ARHGAP25: variants seen among roughly 807,000 people sequenced by gnomAD.
ARHGAP25 encodes Rho GTPase activating protein 25.
A neutral mutation model predicts 71.0 loss-of-function variants in ARHGAP25; 34 were observed. The ratio of observed to expected loss-of-function variants is 0.48; its 90% CI spans 0.36 to 0.64. ARHGAP25 has a LOEUF of 0.64. Ranked by LOEUF, ARHGAP25 falls within the 30% of genes least tolerant of loss-of-function variation. The pLI is 0.00. For synonymous variants in ARHGAP25, 282 were observed against 296.5 expected (o/e 0.95, Z 0.50); for missense variants, 706 against 805.1 (o/e 0.88, Z 1.49).
chr2:68,794,975 TTC>T (rs1466492157), intron 4 of ARHGAP25, among the ~76,000 whole-genome samples: 1 of 152,172 alleles, frequency 6.6e-6, no homozygotes, highest in Non-Finnish European at 1.5e-5. Flanking sequence ...TCTTCAGACT[TTC>T]TATTTCTTTC....
At chr2:68,738,701 A>T (rs1366325366) in intron 1 of ARHGAP25, among the ~76,000 whole-genome samples, 2 of 151,928 alleles carry the variant, frequency 1.3e-5, no homozygotes, top group Admixed American at 1.3e-4. Context: ...GGCACCTGTA[A>T]TCCCAGCTAC....
At chr2:68,810,731 CTTTTTTTTTT>C (rs539849992) in intron 5 of ARHGAP25, among the ~76,000 whole-genome samples, 1 of 74,354 alleles carries the variant, frequency 1.3e-5, no homozygotes, top group African/African-American at 6.2e-5. Flanking sequence ...CTTTTCTTCT[CTTTTTTTTTT>C]TTTTTTTTTT....
At chr2:68,719,828 C>G (rs1461952090) in intron 2 of ARHGAP25, among the ~76,000 whole-genome samples, 1 of 152,130 alleles carries the variant, frequency 6.6e-6, no homozygotes, top group East Asian at 1.9e-4. Flanking sequence ...AATGACAGAG[C>G]AGGGGTTGGT....
At chr2:68,789,488 G>A (rs1489134306) in intron 4 of ARHGAP25, among the ~76,000 whole-genome samples, 2 of 152,208 alleles carry the variant, frequency 1.3e-5, no homozygotes, top group Non-Finnish European at 2.9e-5. Flanking sequence ...TTTTATAAGA[G>A]TCTGGGACCA....
intron 4 of ARHGAP25, among the ~76,000 whole-genome samples, chr2:68,802,962 C>T (rs1226248429): frequency 1.5e-5 from 2 of 132,440 alleles, no homozygotes; most frequent in Non-Finnish European, 3.4e-5. Flanking sequence ...TATATATACA[C>T]ACACATATAT....
chr2:68,793,140 G>A (rs957984441), intron 4 of ARHGAP25, among the ~76,000 whole-genome samples: 1 of 151,842 alleles, frequency 6.6e-6, no homozygotes, highest in Non-Finnish European at 1.5e-5. Context: ...TATTGTTGTT[G>A]AGTTATTTGA....
intron 1 of ARHGAP25, among the ~76,000 whole-genome samples, chr2:68,761,680 G>A (rs146017528): frequency 4.2e-4 from 64 of 152,194 alleles, no homozygotes; most frequent in African/African-American, 1.4e-3. Context: ...GAACTACAGC[G>A]AGATAGCAAC....
At chr2:68,809,615 C>G (rs1680630656) in intron 5 of ARHGAP25, among the ~76,000 whole-genome samples, 1 of 151,910 alleles carries the variant, frequency 6.6e-6, no homozygotes, top group African/African-American at 2.4e-5. Context: ...AAGAGCAGAC[C>G]AGGAGTGAGA....
At chr2:68,806,641 G>A (rs540479242) in intron 4 of ARHGAP25, among the ~76,000 whole-genome samples, 16 of 152,350 alleles carry the variant, frequency 1.1e-4, no homozygotes, top group East Asian at 7.7e-4. Context: ...GAGCGGGACC[G>A]CGAGAGATTT....
chr2:68,808,124 G>T (rs1462372670), intron 5 of ARHGAP25, among the ~76,000 whole-genome samples: 1 of 151,706 alleles, frequency 6.6e-6, no homozygotes, highest in Non-Finnish European at 1.5e-5. Flanking sequence ...ACCTTCTCCA[G>T]CCACTCAGCT....
At chr2:68,806,041 G>T (rs904801279) in intron 4 of ARHGAP25, among the ~76,000 whole-genome samples, 1 of 152,222 alleles carries the variant, frequency 6.6e-6, no homozygotes, top group East Asian at 1.9e-4. Context: ...GTTTCTCCAC[G>T]CAGACAGAGC....
chr2:68,715,383 CA>C (rs1674584778), intron 2 of ARHGAP25, among the ~76,000 whole-genome samples: 1 of 146,730 alleles, frequency 6.8e-6, no homozygotes, highest in Admixed American at 6.7e-5. Context: ...GACAGCCAAT[CA>C]AACAACCAAA....
intron 1 of ARHGAP25, among the ~76,000 whole-genome samples, chr2:68,753,369 A>C (rs1003869991): frequency 3.9e-5 from 6 of 152,200 alleles, no homozygotes; most frequent in Admixed American, 2.6e-4. Context: ...TAACCACACC[A>C]ACTTGCCCAG....
chr2:68,728,235 A>C (rs1310890338), intron 2 of ARHGAP25, among the ~76,000 whole-genome samples: 1 of 152,222 alleles, frequency 6.6e-6, no homozygotes, highest in Non-Finnish European at 1.5e-5. Flanking sequence ...TAACATCATT[A>C]GTCATCAGGG....
At chr2:68,723,676 A>G (rs1283692678) in intron 2 of ARHGAP25, among the ~76,000 whole-genome samples, 1 of 152,182 alleles carries the variant, frequency 6.6e-6, no homozygotes, top group Non-Finnish European at 1.5e-5. Flanking sequence ...AGCCTGTGGA[A>G]GTGATGGCCC....
chr2:68,807,322 C>T lies in ARHGAP25; in HGVS notation c.516C>T (p.Phe172=), dbSNP rs150613820. ...AGACTGTGGCCTATGAACAGAAATT[C>T]GGCCCCCATCTGGTGCCCATCCTGG... The part of the protein sequence containing the change: ...LDETVAYEQK[F]GPHLVPILVE... The change falls in exon 5 of 11, where the codon TTC becomes TTT. Residue 172 remains phenylalanine, a synonymous_variant. Transcript: ENST00000409202. The T allele has an allele frequency of 1.6e-4, 265 of 1,614,240 alleles. 1 individual carries two copies. In the African/African-American group the frequency reaches 3.1e-3, roughly 19 times the overall value.
Position 68,760,110 on chromosome 2 carries a change from T to A in ARHGAP25, c.62-15111T>A, listed in dbSNP as rs560882765. ...AAAAACATATGATCATCTCAAATGATAGTCATGTATTCGACAAGATTCAAC... is the reference window on the plus strand; with the variant it reads ...AAAAACATATGATCATCTCAAATGAAAGTCATGTATTCGACAAGATTCAAC... On this transcript the variant is annotated intron_variant, in intron 1 of 10. Transcript: ENST00000409202. 2.0e-5 allele frequency among the ~76,000 whole-genome samples: 3 copies of A among 152,190 alleles called. No homozygotes were observed. The East Asian group carries it at 5.8e-4, about 29-fold the overall frequency.
In ARHGAP25 at chr2:68,764,613, T is replaced by G. The variant is rs1350692243; in HGVS notation, c.62-10608T>G. 2.0e-5 allele frequency among the ~76,000 whole-genome samples: 3 copies of G among 152,222 alleles called. No individual in the cohort carries two copies. In the East Asian group the frequency reaches 5.8e-4, roughly 29 times the overall value. ...CAGAGCTGTTACTTTTTGTCTGGCC[T>G]GACTTTGGGCACCCAGGGTAAACTG... On this transcript the variant is annotated intron_variant, in intron 1 of 10. Coordinates refer to ENST00000409202, the MANE Select transcript of ARHGAP25 (RefSeq NM_001007231.3).
At chr2:68,711,786 G>T (rs932089066) in intron 2 of ARHGAP25, among the ~76,000 whole-genome samples, 1 of 150,556 alleles carries the variant, frequency 6.6e-6, no homozygotes, top group Non-Finnish European at 1.5e-5. Flanking sequence ...TTCTGTTACT[G>T]TGTTAGTTTG....
Sources: gnomAD v4.1 joint callset for allele counts (sites outside exome capture counted in the v4.1 genomes callset) on GRCh38, gnomAD v4.1.1 for gene constraint, MANE v1.5 for transcripts, NCBI Gene and HGNC (gene_info 2026-07-23, HGNC 2026-07-21) for gene names.